The following UNK variants were observed in gnomAD, a reference collection of about 807,000 sequenced individuals.
UNK encodes RING finger protein unkempt homolog.
UNK carries 32 observed loss-of-function variants against 97.6 expected under a neutral mutation model. That is an observed-to-expected ratio of 0.33 (90% CI 0.25 to 0.44). The LOEUF (loss-of-function observed/expected upper bound fraction) is 0.44. Among genes scored for constraint, UNK ranks in the 20% least tolerant of loss-of-function variants. UNK has a pLI of 1.00. For missense variants in UNK, 771 were observed against 1,098.4 expected (o/e 0.70, Z 4.21); for synonymous variants, 441 against 461.2 (o/e 0.96, Z 0.56).
chr17:75,810,671 C>T (rs2061960645), intron 2 of UNK, among the ~76,000 whole-genome samples: 1 of 152,212 alleles, frequency 6.6e-6, no homozygotes, highest in South Asian at 2.1e-4. Flanking sequence ...AAACTCTACT[C>T]TGTTGCCCAG....
intron 5 of UNK, 67 bp downstream of exon 5, chr17:75,813,280 G>C: frequency 6.7e-7 from 1 of 1,499,144 alleles, no homozygotes; most frequent in Non-Finnish European, 8.9e-7. Context: ...GGCAGAGGCT[G>C]CTCCCACTGG....
chr17:75,815,193 GA>G lies in UNK; in HGVS notation c.902del (p.Asp301AlafsTer19). On this transcript the variant is annotated frameshift_variant, in exon 7 of 16. Coordinates refer to ENST00000589666, the MANE Select transcript of UNK (RefSeq NM_001080419.3). LOFTEE classifies it high-confidence loss of function. ...GATCTACAAGTCCACCAAGTGCAAC[GA>G]CATGCAGCAGTCGGGCAGCTGTCCC... Reference protein sequence around the residue: ...PEIYKSTKCNDMQQSGSCPRG... With the variant: ...PEIYKSTKCNXMQQSGSCPRG... 6.2e-7 allele frequency: 1 copy of G among 1,613,400 alleles called. No homozygotes were observed. Among genetic ancestry groups the G allele is most frequent in the Non-Finnish European group, 8.5e-7 (1 of 1,179,722 alleles).
chr17:75,794,395 G>C (rs1567794742), intron 1 of UNK, among the ~76,000 whole-genome samples: 1 of 152,134 alleles, frequency 6.6e-6, no homozygotes, highest in East Asian at 1.9e-4. Flanking sequence ...CCAGCATTTT[G>C]GGAGGCTGAG....
intron 15 of UNK, 49 bp downstream of exon 15, chr17:75,823,571 C>A: frequency 6.7e-7 from 1 of 1,483,772 alleles, no homozygotes. Flanking sequence ...TGGCCTCAGC[C>A]AGCTCTTGGA....
Position 75,817,541 on chromosome 17 carries a change from A to G in UNK, c.1305+15A>G, listed in dbSNP as rs2062028621. On this transcript the variant is annotated intron_variant, in intron 9 of 15. Coordinates refer to ENST00000589666, the MANE Select transcript of UNK (RefSeq NM_001080419.3). The surrounding 1 kb of genome is among the most constrained non-coding windows in gnomAD (Gnocchi z 5.8). ...TCAAATGCCAGGTAAGGGATGAGGG[A>G]GGCAGCAGTGAGGTTAGCCTTCTCC... 6.3e-7 allele frequency: 1 copy of G among 1,594,010 alleles called. No homozygotes were observed. The highest frequency in any genetic ancestry group is 8.6e-7 in the Non-Finnish European group (1 of 1,168,018).
At chr17:75,796,320 CT>C (rs67667491) in intron 1 of UNK, among the ~76,000 whole-genome samples, 9,927 of 137,056 alleles carry the variant, frequency 0.072, 508 homozygotes, top group East Asian at 0.34. Context: ...ATATTTAAAG[CT>C]TTTTTTTTTT....
chr17:75,790,924 A>G (rs922171985), intron 1 of UNK, among the ~76,000 whole-genome samples: 1 of 152,208 alleles, frequency 6.6e-6, no homozygotes, highest in Non-Finnish European at 1.5e-5. Context: ...TGGGCAACAG[A>G]GCGAGACTCT....
chr17:75,806,499 C>T (rs1034715957), intron 1 of UNK, among the ~76,000 whole-genome samples: 1 of 150,650 alleles, frequency 6.6e-6, no homozygotes, highest in Non-Finnish European at 1.5e-5. Flanking sequence ...TTGGGCCGGG[C>T]GCGGTGGCTC....
At chr17:75,792,916 C>T (rs2061775002) in intron 1 of UNK, among the ~76,000 whole-genome samples, 1 of 152,226 alleles carries the variant, frequency 6.6e-6, no homozygotes, top group South Asian at 2.1e-4. Flanking sequence ...TGCCAAGGCT[C>T]AGCAACAGTG....
intron 1 of UNK, among the ~76,000 whole-genome samples, chr17:75,805,810 A>ATGTGTGTGTGTGTGTGTGTGTGTG (rs61000364): frequency 6.9e-5 from 10 of 145,294 alleles, no homozygotes; most frequent in African/African-American, 2.6e-4. Context: ...AAAAAGAAAA[A>ATGTGTGTGTGTGTGTGTGTGTGTG]TGTGTGTGTG....
intron 6 of UNK, 130 bp from the exon 7 acceptor site, chr17:75,815,039 G>C: frequency 1.4e-6 from 1 of 713,150 alleles, no homozygotes; most frequent in Non-Finnish European, 2.4e-6. Context: ...AGACATAGTG[G>C]AGGGGAGGGG....
At chr17:75,785,685 G>A (rs899732478) in intron 1 of UNK, 1 of 152,176 alleles carries the variant, frequency 6.6e-6, no homozygotes, top group Non-Finnish European at 1.5e-5. Context: ...CCAGCAGGAT[G>A]GGAAAACCTC....
chr17:75,799,319 T>C (rs2061835511), intron 1 of UNK, among the ~76,000 whole-genome samples: 1 of 152,088 alleles, frequency 6.6e-6, no homozygotes, highest in Admixed American at 6.6e-5. Context: ...AAAGTTAATC[T>C]GTAATGGTCT....
In UNK at chr17:75,816,879, C is replaced by G. The variant is rs779753326; in HGVS notation, c.1071C>G (p.Ser357Arg). 28 of 1,605,954 alleles carry G rather than the reference C, an allele frequency of 1.7e-5. No individual in the cohort carries two copies. The highest frequency in any genetic ancestry group is 8.5e-7 in the Non-Finnish European group (1 of 1,179,184). The part of the protein sequence containing the change: ...PSAAGDSVPV[S>R]PSSPHAPDLS... ...CCGCCGGAGACTCGGTGCCTGTGAG[C>G]CCCTCCAGCCCGCATGCCCCTGACC... The change falls in exon 8 of 16, where the codon AGC (serine) becomes AGG (arginine). Residue 357 changes from serine (S) to arginine (R), a missense_variant. Physicochemically the swap from Ser to Arg is moderately radical, Grantham distance 110. Transcript: ENST00000589666. This position sits in a 1 kb window ranked among gnomAD's most constrained non-coding sequence, Gnocchi z 4.0.
rs771760040 is a variant in UNK, at chr17:75,823,517, G to A, written c.2272G>A (p.Asp758Asn). ...ACTGCGGGCCCACCTGGAACAAGTG[G>A]ACAAGGTCAGCCCAGGTCGGGGAGC... Reference protein sequence around the residue: ...KQLRAHLEQVDKAVFHMQSVK... With the variant: ...KQLRAHLEQVNKAVFHMQSVK... Residue 758 changes from aspartate to asparagine, a missense_variant, in exon 15 of 16, where the codon GAC (aspartate) becomes AAC (asparagine). Asp to Asn is a conservative substitution (Grantham distance 23). Transcript: ENST00000589666. The A allele has an allele frequency of 1.9e-6, 3 of 1,556,806 alleles. No homozygotes were observed. The highest frequency in any genetic ancestry group is 2.6e-6 in the Non-Finnish European group (3 of 1,145,170).
intron 1 of UNK, 66 bp downstream of exon 1, chr17:75,785,050 G>T: frequency 8.5e-7 from 1 of 1,181,218 alleles, no homozygotes; most frequent in Non-Finnish European, 1.1e-6. Flanking sequence ...CGTGAGTCAC[G>T]CGCGCAGGGA....
At chr17:75,798,428 C>G (rs530991150) in intron 1 of UNK, among the ~76,000 whole-genome samples, 1 of 151,856 alleles carries the variant, frequency 6.6e-6, no homozygotes. Context: ...TGGTCTTGAA[C>G]TCCTGACCTC....
Position 75,824,934 on chromosome 17 carries a change from G to C in UNK, c.*517G>C, listed in dbSNP as rs1248247756. On this transcript the variant is annotated 3_prime_UTR_variant, in exon 16 of 16. Transcript: ENST00000589666. This position sits in a 1 kb window ranked among gnomAD's most constrained non-coding sequence, Gnocchi z 4.9. ...CTACCTCCTTGCCAGGGCAAGGGTG[G>C]AGTGTGGAAGACGTGGGTCCCCCAG... 3.9e-5 allele frequency: 6 copies of C among 152,306 alleles called. No homozygotes were observed. Among genetic ancestry groups the C allele is most frequent in the Admixed American group, 3.9e-4 (6 of 15,292 alleles). 9.4% of individuals were successfully genotyped at this position (152,306 alleles called of 1,614,324 possible). A position where few individuals can be genotyped will look rare whatever the true frequency, so the allele number is the denominator to read the frequency against.
At position 75,815,212 on chromosome 17, in the gene UNK, G is replaced by C; in HGVS notation, c.920G>C (p.Ser307Thr). The C allele has an allele frequency of 6.2e-7, 1 of 1,613,592 alleles. No homozygotes were observed. The highest frequency in any genetic ancestry group is 2.2e-5 in the East Asian group (1 of 44,884). Residue 307 changes from serine (S) to threonine (T), a missense_variant, in exon 7 of 16, where the codon AGC becomes ACC. Physicochemically the swap from Ser to Thr is moderately conservative, Grantham distance 58. This residue lies in a region of UNK where 246 missense variants were observed against 440.7 expected (regional missense o/e 0.56). Coordinates refer to ENST00000589666, the MANE Select transcript of UNK (RefSeq NM_001080419.3). The part of the protein sequence containing the change: ...TKCNDMQQSG[S>T]CPRGPFCAFA... ...TGCAACGACATGCAGCAGTCGGGCA[G>C]CTGTCCCCGAGGACCCTTCTGCGCC...
Sources: allele counts gnomAD v4.1 joint callset (sites outside exome capture counted in the v4.1 genomes callset), GRCh38; gene constraint gnomAD v4.1.1; regional missense constraint gnomAD v4.1.1; non-coding constraint Gnocchi (gnomAD v3.1); transcripts MANE v1.5; gene names NCBI Gene and HGNC (gene_info 2026-07-23, HGNC 2026-07-21).